ZPBP: variants seen among roughly 807,000 people sequenced by gnomAD.
ZPBP encodes zona pellucida-binding protein 1.
In ZPBP, 26 loss-of-function variants were observed where a neutral mutation model predicts 44.8. The observed-to-expected ratio is 0.58, with a 90% confidence interval of 0.43 to 0.81. The LOEUF is 0.81. Among genes scored for constraint, ZPBP ranks in the 30% least tolerant of loss-of-function variants. The pLI, the probability that ZPBP is intolerant of heterozygous loss-of-function variation, is 0.00. For missense variants in ZPBP, 409 were observed against 434.0 expected, an observed-to-expected ratio of 0.94 and a Z score of 0.51; for synonymous variants, 174 against 153.2, an observed-to-expected ratio of 1.14 and a Z score of -1.00.
rs1367270343 is a variant in ZPBP, at chr7:50,008,245, A to C, written c.783+9995T>G. On this transcript the variant is annotated intron_variant, in intron 6 of 7. Coordinates refer to ENST00000046087, the MANE Select transcript of ZPBP (RefSeq NM_007009.3). Reference sequence around the variant, plus strand: ...ATACATTAAAAACAAACTATACCAAAAGGAAATTAAGAAAACAATTCCACT... The same window carrying C: ...ATACATTAAAAACAAACTATACCAACAGGAAATTAAGAAAACAATTCCACT... 2.0e-5 allele frequency among the ~76,000 whole-genome samples: 3 copies of C among 152,078 alleles called. No individual in the cohort carries two copies. In the East Asian group the frequency reaches 5.8e-4, roughly 29 times the overall value.
chr7:50,023,924 A>T (rs1211999458), intron 5 of ZPBP, among the ~76,000 whole-genome samples: 1 of 152,060 alleles, frequency 6.6e-6, no homozygotes, highest in East Asian at 1.9e-4. Flanking sequence ...GAAGCTTGAA[A>T]ATACATCAGT....
chr7:49,929,110 C>A (rs1794358750), intron 1 of ZPBP, among the ~76,000 whole-genome samples: 1 of 152,178 alleles, frequency 6.6e-6, no homozygotes, highest in Admixed American at 6.5e-5. Flanking sequence ...TTCCCAGTGA[C>A]TTAAGAAATG....
chr7:49,857,950 C>G (rs1217927922), intron 2 of ZPBP, among the ~76,000 whole-genome samples: 2 of 152,070 alleles, frequency 1.3e-5, no homozygotes, highest in Non-Finnish European at 2.9e-5. Flanking sequence ...GAGATGAGAC[C>G]ACACAGGCTT....
intron 1 of ZPBP, among the ~76,000 whole-genome samples, chr7:49,905,843 T>C (rs200859477): frequency 1.8e-4 from 26 of 145,902 alleles, no homozygotes; most frequent in South Asian, 6.5e-4. Flanking sequence ...AGAAGCCGGC[T>C]AAAACCCACC....
chr7:49,877,507 T>TATATAGATATATAG (rs1791485339), intron 2 of ZPBP, among the ~76,000 whole-genome samples: 1 of 90,318 alleles, frequency 1.1e-5, no homozygotes, highest in Non-Finnish European at 2.3e-5. Flanking sequence ...TATATATATA[T>TATATAGATATATAG]ATATATATAT....
intron 1 of ZPBP, among the ~76,000 whole-genome samples, chr7:49,926,544 A>G (rs1794239095): frequency 6.6e-6 from 1 of 152,110 alleles, no homozygotes; most frequent in South Asian, 2.1e-4. Context: ...CTAAGCCATA[A>G]CACCTGCATG....
chr7:49,922,441 G>A (rs1230595179), intron 1 of ZPBP, among the ~76,000 whole-genome samples: 1 of 152,124 alleles, frequency 6.6e-6, no homozygotes, highest in Non-Finnish European at 1.5e-5. Context: ...TTCCGGAACT[G>A]GAAGATTAGG....
downstream of ZPBP, among the ~76,000 whole-genome samples, chr7:49,848,321 T>C (rs999251133): frequency 1.3e-5 from 2 of 152,178 alleles, no homozygotes; most frequent in Non-Finnish European, 2.9e-5. Flanking sequence ...TCCAGGATCT[T>C]CTCTCTCCTG....
intron 6 of ZPBP, among the ~76,000 whole-genome samples, chr7:49,994,467 T>C (rs1797718579): frequency 1.3e-5 from 2 of 152,204 alleles, no homozygotes; most frequent in African/African-American, 4.8e-5. Flanking sequence ...GTCAAGTGAA[T>C]ACCACCTCCA....
chr7:49,882,595 A>G (rs1791716063), intron 2 of ZPBP, among the ~76,000 whole-genome samples: 1 of 152,056 alleles, frequency 6.6e-6, no homozygotes, highest in Admixed American at 6.6e-5. Flanking sequence ...GGAGAGAGAC[A>G]GAGATAGTGA....
At chr7:50,086,375 G>A (rs1181333357) in intron 2 of ZPBP, among the ~76,000 whole-genome samples, 3 of 151,860 alleles carry the variant, frequency 2.0e-5, no homozygotes, top group Non-Finnish European at 4.4e-5. Context: ...CTCCAAGGAA[G>A]GCCAAATATT....
chr7:49,995,431 C>T (rs1007133376), intron 6 of ZPBP, among the ~76,000 whole-genome samples: 11 of 152,110 alleles, frequency 7.2e-5, no homozygotes, highest in Admixed American at 4.6e-4. Flanking sequence ...TGTAATCTGC[C>T]CAAGCAATAA....
At chr7:49,960,628 G>T (rs756847325) in intron 7 of ZPBP, among the ~76,000 whole-genome samples, 1 of 152,072 alleles carries the variant, frequency 6.6e-6, no homozygotes, top group East Asian at 1.9e-4. Context: ...CCATACTATT[G>T]TAAGGACTCT....
At chr7:50,007,846 C>T (rs913770451) in intron 6 of ZPBP, among the ~76,000 whole-genome samples, 13 of 151,776 alleles carry the variant, frequency 8.6e-5, no homozygotes, top group South Asian at 4.1e-4. Context: ...ACTAAAAAAA[C>T]TTCAGAATAA....
chr7:50,009,186 A>G (rs911346819), intron 6 of ZPBP, among the ~76,000 whole-genome samples: 2 of 150,720 alleles, frequency 1.3e-5, no homozygotes, highest in African/African-American at 4.9e-5. Context: ...GCAGTGAGCC[A>G]AGATTGTAAC....
intron 2 of ZPBP, among the ~76,000 whole-genome samples, chr7:49,862,472 G>A (rs1790692591): frequency 6.6e-6 from 1 of 151,990 alleles, no homozygotes. Flanking sequence ...TCTTTGCCTA[G>A]TTGTTCTGGC....
intron 6 of ZPBP, among the ~76,000 whole-genome samples, chr7:49,992,767 G>A (rs1451783757): frequency 6.6e-6 from 1 of 152,098 alleles, no homozygotes; most frequent in Non-Finnish European, 1.5e-5. Flanking sequence ...GGCTGAAAAT[G>A]TTTCTTAACT....
chr7:50,091,150 T>C (rs1006135294), intron 1 of ZPBP, among the ~76,000 whole-genome samples: 3 of 152,110 alleles, frequency 2.0e-5, no homozygotes, highest in Non-Finnish European at 2.9e-5. Flanking sequence ...AGCCCACTTT[T>C]TGATGGGACT....
intron 7 of ZPBP, among the ~76,000 whole-genome samples, chr7:49,954,622 ATAT>A (rs1377703613): frequency 3.9e-5 from 6 of 152,184 alleles, no homozygotes; most frequent in Admixed American, 6.6e-5. Flanking sequence ...AATGTAAGAA[ATAT>A]TATCAGGAAT....
Sources: allele counts gnomAD v4.1 joint callset (sites outside exome capture counted in the v4.1 genomes callset), GRCh38; gene constraint gnomAD v4.1.1; transcripts MANE v1.5; gene names NCBI Gene and HGNC (gene_info 2026-07-23, HGNC 2026-07-21).